CHST15: variants seen among roughly 807,000 people sequenced by gnomAD.
The protein encoded by CHST15 is B cell RAG associated protein (GALNAC4S-6ST).
A neutral mutation model predicts 53.6 loss-of-function variants in CHST15; 30 were observed. The ratio of observed to expected loss-of-function variants is 0.56; its 90% CI spans 0.42 to 0.76. The LOEUF (loss-of-function observed/expected upper bound fraction) is 0.76. Among genes scored for constraint, CHST15 ranks in the 30% least tolerant of loss-of-function variants. CHST15 has a pLI of 0.00. For missense variants in CHST15, 627 were observed against 740.5 expected (o/e 0.85, Z 1.78); for synonymous variants, 296 against 289.8 (o/e 1.02, Z -0.22).
At chr10:124,057,077 C>A (rs1948410025) in intron 1 of CHST15, among the ~76,000 whole-genome samples, 1 of 152,192 alleles carries the variant, frequency 6.6e-6, no homozygotes, top group Non-Finnish European at 1.5e-5. Flanking sequence ...ACCTTCCCAG[C>A]AAGGCAGGGA....
rs879321258 is a variant in CHST15, at chr10:124,081,243, T to C, written c.-513+12226A>G. 8.5e-5 allele frequency among the ~76,000 whole-genome samples: 13 copies of C among 152,348 alleles called. 1 individual carries two copies. The highest frequency in any genetic ancestry group is 7.8e-4 in the Admixed American group (12 of 15,308). ...AATTATCTGTCCCTTATCTTTGCCA[T>C]AGGAGAACTGGAAATTCTCATTAGA... On this transcript the variant is annotated intron_variant, in intron 1 of 7. Transcript: ENST00000435907.
At position 124,008,344 on chromosome 10, in the gene CHST15, T is replaced by TACACACACAC. The variant is rs376174591; in HGVS notation, c.*1795_*1804dup. On this transcript the variant is annotated 3_prime_UTR_variant, in exon 8 of 8. Transcript: ENST00000435907. ...AGACGCACTCACCCACACGTGCGCGTACACACACACACACGCGCGCACTGT... is the reference window on the plus strand; with the variant it reads ...AGACGCACTCACCCACACGTGCGCGTACACACACACACACACACACACACGCGCGCACTGT... 5.7e-6 allele frequency: 6 copies of TACACACACAC among 1,054,574 alleles called. No homozygotes were observed. In the African/African-American group the frequency reaches 8.4e-5, roughly 15 times the overall value. The allele number at this position is 1,054,574 out of a possible 1,614,324, so 65.3% of individuals were successfully genotyped here.
chr10:124,070,848 A>G (rs1948890578), intron 1 of CHST15, among the ~76,000 whole-genome samples: 1 of 152,148 alleles, frequency 6.6e-6, no homozygotes. Flanking sequence ...AGCACCATGG[A>G]TGAGAACCCG....
chr10:124,047,995 C>G (rs935614816), intron 1 of CHST15, among the ~76,000 whole-genome samples: 4 of 152,218 alleles, frequency 2.6e-5, no homozygotes, highest in Non-Finnish European at 5.9e-5. Flanking sequence ...AACCGCGCAT[C>G]AAGATCGCCA....
chr10:124,026,254 G>C (rs1400099432), intron 5 of CHST15, among the ~76,000 whole-genome samples: 3 of 152,102 alleles, frequency 2.0e-5, no homozygotes, highest in Non-Finnish European at 4.4e-5. Flanking sequence ...CACTGAGACG[G>C]GGGAGCACTC....
At chr10:124,030,033 A>C (rs1015903525) in intron 5 of CHST15, among the ~76,000 whole-genome samples, 2 of 152,218 alleles carry the variant, frequency 1.3e-5, no homozygotes, top group Non-Finnish European at 2.9e-5. Context: ...AATACACAGG[A>C]CTGCCAAGGA....
At chr10:124,016,726 A>C (rs1485217576) in intron 6 of CHST15, among the ~76,000 whole-genome samples, 2 of 152,142 alleles carry the variant, frequency 1.3e-5, no homozygotes, top group African/African-American at 2.4e-5. Flanking sequence ...CAGTCTTCCC[A>C]CCTGTAAAAC....
At chr10:124,051,134 A>C (rs1014161788) in intron 1 of CHST15, among the ~76,000 whole-genome samples, 8 of 151,946 alleles carry the variant, frequency 5.3e-5, no homozygotes, top group South Asian at 2.1e-4. Flanking sequence ...ATAGAGACGG[A>C]GTTTCACCAT....
Position 124,046,697 on chromosome 10 carries a change from G to A in CHST15, c.-485C>T, listed in dbSNP as rs1429309116. ...CTTTGGAATATTTCCTCTTTGTGGG[G>A]CGCAAACTTTAAAAAATGCCAGATT... On this transcript the variant is annotated 5_prime_UTR_variant, in exon 2 of 8. Transcript: ENST00000435907. 6.5e-6 allele frequency: 1 copy of A among 152,954 alleles called. No homozygotes were observed. Among genetic ancestry groups the A allele is most frequent in the African/African-American group, 2.4e-5 (1 of 41,428 alleles). 9.5% of individuals were successfully genotyped at this position (152,954 alleles called of 1,614,324 possible). A position where few individuals can be genotyped will look rare whatever the true frequency, so the allele number is the denominator to read the frequency against.
intron 5 of CHST15, 129 bp from the exon 6 acceptor site, chr10:124,021,541 T>C (rs1305995356): frequency 2.1e-6 from 3 of 1,458,634 alleles, no homozygotes; most frequent in Non-Finnish European, 2.7e-6. Context: ...ACCCTTCTTC[T>C]TTCCCTTGCA....
intron 1 of CHST15, among the ~76,000 whole-genome samples, chr10:124,068,511 G>A (rs1564904596): frequency 1.3e-5 from 2 of 152,072 alleles, no homozygotes; most frequent in Non-Finnish European, 2.9e-5. Context: ...TGATGGGCCG[G>A]GTACATGTCC....
intron 5 of CHST15, among the ~76,000 whole-genome samples, chr10:124,027,551 C>T (rs1355155707): frequency 6.6e-6 from 1 of 152,218 alleles, no homozygotes; most frequent in African/African-American, 2.4e-5. Context: ...GCTGCTGCTC[C>T]TCCCGCCAGG....
chr10:124,042,552 T>C, intron 3 of CHST15, 105 bp from the exon 4 acceptor site: 2 of 1,302,186 alleles, frequency 1.5e-6, no homozygotes, highest in Non-Finnish European at 2.1e-6. Flanking sequence ...CTAAAGGGCC[T>C]GGCGACAGCA....
intron 1 of CHST15, among the ~76,000 whole-genome samples, chr10:124,051,536 G>A (rs79569793): frequency 1.2e-3 from 177 of 152,202 alleles, no homozygotes; most frequent in African/African-American, 3.9e-3. Flanking sequence ...ATTTGGTGCC[G>A]GTCGACTCAG....
chr10:124,051,342 A>C (rs543653803), intron 1 of CHST15, among the ~76,000 whole-genome samples: 1 of 152,306 alleles, frequency 6.6e-6, no homozygotes, highest in South Asian at 2.1e-4. Flanking sequence ...TCAGGGAAGA[A>C]AAATCCAATT....
At chr10:124,075,384 T>G (rs1183225534) in intron 1 of CHST15, among the ~76,000 whole-genome samples, 1 of 152,124 alleles carries the variant, frequency 6.6e-6, no homozygotes, top group Non-Finnish European at 1.5e-5. Context: ...AAAGGATGGT[T>G]TCTTTCTTTC....
At chr10:124,078,793 C>G (rs939395528) in intron 1 of CHST15, among the ~76,000 whole-genome samples, 1 of 152,190 alleles carries the variant, frequency 6.6e-6, no homozygotes, top group African/African-American at 2.4e-5. Flanking sequence ...AAAATAAGGT[C>G]TGCAGCTCAG....
chr10:124,021,591 C>T (rs1388266467), intron 5 of CHST15, among the ~76,000 whole-genome samples, 179 bp from the exon 6 acceptor site: 2 of 152,194 alleles, frequency 1.3e-5, no homozygotes, highest in African/African-American at 4.8e-5. Context: ...TCCCGCCCTT[C>T]TCGTGGCCAC....
At position 124,078,616 on chromosome 10, in the gene CHST15, A is replaced by G. The variant is rs180789468; in HGVS notation, c.-513+14853T>C. Among the ~76,000 whole-genome samples the G allele has an allele frequency of 2.1e-3, 318 of 152,302 alleles. 1 individual carries two copies. The highest frequency in any genetic ancestry group is 7.1e-3 in the African/African-American group (295 of 41,558). ...ATAGAGCGCCATGTGGACCCGTGGA[A>G]CCTGTGAAATTCATCCTCCAGTATT... On this transcript the variant is annotated intron_variant, in intron 1 of 7. Transcript: ENST00000435907.
Sources: gnomAD v4.1 joint callset for allele counts (sites outside exome capture counted in the v4.1 genomes callset) on GRCh38, gnomAD v4.1.1 for gene constraint, MANE v1.5 for transcripts, NCBI Gene and HGNC (gene_info 2026-07-23, HGNC 2026-07-21) for gene names.